Variants in SASH1 observed in about 807,000 individuals in gnomAD.
The protein encoded by SASH1 is SAM and SH3 domain containing 1.
A neutral mutation model predicts 125.2 loss-of-function variants in SASH1; 44 were observed. That is an observed-to-expected ratio of 0.35 (90% confidence interval 0.28 to 0.45). The LOEUF is 0.45. Ranked by LOEUF, SASH1 falls within the 20% of genes least tolerant of loss-of-function variation. The probability of loss-of-function intolerance (pLI) is 1.00; values close to 1 mark genes in which losing one functional copy is unlikely to be tolerated. For missense variants in SASH1, 1,426 were observed against 1,614.5 expected (o/e 0.88, Z 2.00); for synonymous variants, 639 against 649.1 (o/e 0.98, Z 0.24).
chr6:148,328,553 A>C (rs955609786), intron 1 of SASH1, among the ~76,000 whole-genome samples: 26 of 151,806 alleles, frequency 1.7e-4, no homozygotes, highest in African/African-American at 6.1e-4. Context: ...AGATCTTGCC[A>C]CTGCACTCCA....
At chr6:148,194,321 C>T in the SASH1 span, among the ~76,000 whole-genome samples, 2 of 152,322 alleles carry the variant, frequency 1.3e-5, no homozygotes, top group East Asian at 3.9e-4. Flanking sequence ...CCCCACCCCC[C>T]ATTCCAGTGG....
intron 1 of SASH1, among the ~76,000 whole-genome samples, chr6:148,364,332 G>A (rs1046547021): frequency 2.6e-5 from 4 of 152,188 alleles, no homozygotes; most frequent in African/African-American, 9.7e-5. Flanking sequence ...AGTCTTGAGA[G>A]ATGGCTCACC....
chr6:148,243,450 A>AAATAAT, the SASH1 span, among the ~76,000 whole-genome samples: 2,068 of 138,514 alleles, frequency 0.015, 25 homozygotes, highest in African/African-American at 0.026. Context: ...AATTCCATCT[A>AAATAAT]AATAATAATA....
chr6:148,336,518 G>A (rs11155561), intron 1 of SASH1, among the ~76,000 whole-genome samples: 44,401 of 151,888 alleles, frequency 0.29, 6,591 homozygotes, highest in South Asian at 0.42. Flanking sequence ...GGTAAATGGG[G>A]GCACAATAAA....
At chr6:148,303,657 T>A (rs551298846) in intron 1 of SASH1, among the ~76,000 whole-genome samples, 1 of 151,648 alleles carries the variant, frequency 6.6e-6, no homozygotes, top group South Asian at 2.1e-4. Context: ...CTTAGCTGGG[T>A]GGTGGCGGGC....
the SASH1 span, among the ~76,000 whole-genome samples, chr6:148,236,218 A>T: frequency 1.4e-4 from 21 of 145,734 alleles, no homozygotes; most frequent in South Asian, 6.6e-4. Context: ...ATTAAATTAA[A>T]TTTTTTTTTT....
chr6:148,493,114 A>C (rs1416894106), intron 8 of SASH1, among the ~76,000 whole-genome samples: 1 of 152,140 alleles, frequency 6.6e-6, no homozygotes, highest in Non-Finnish European at 1.5e-5. Context: ...TCAGCAATGC[A>C]GTTTTTTGAA....
intron 1 of SASH1, among the ~76,000 whole-genome samples, chr6:148,273,839 G>C (rs1416980508): frequency 6.6e-6 from 1 of 152,228 alleles, no homozygotes; most frequent in Non-Finnish European, 1.5e-5. Context: ...GCTGAGAACA[G>C]TGCCTGGTAC....
At chr6:148,255,835 T>A in the SASH1 span, among the ~76,000 whole-genome samples, 2 of 151,802 alleles carry the variant, frequency 1.3e-5, no homozygotes, top group East Asian at 3.9e-4. Flanking sequence ...AGAGAGGGGG[T>A]TTCACCATGC....
chr6:148,547,282 T>A (rs1005177921), intron 19 of SASH1, among the ~76,000 whole-genome samples: 10 of 152,188 alleles, frequency 6.6e-5, no homozygotes, highest in African/African-American at 2.4e-4. Context: ...TACGGGCTAC[T>A]AAGTGACTGC....
chr6:148,249,353 T>TGCG, the SASH1 span, among the ~76,000 whole-genome samples: 52,949 of 151,932 alleles, frequency 0.35, 9,424 homozygotes, highest in Admixed American at 0.41. Context: ...TGTGCATGCA[T>TGCG]CACACACACA....
At chr6:148,361,914 C>CTTT (rs745596285) in intron 1 of SASH1, among the ~76,000 whole-genome samples, 7 of 125,480 alleles carry the variant, frequency 5.6e-5, no homozygotes, top group South Asian at 2.7e-4. Flanking sequence ...TTTTCTTTTT[C>CTTT]TTTTTTTTTT....
the SASH1 span, among the ~76,000 whole-genome samples, chr6:148,258,691 C>G: frequency 2.6e-5 from 4 of 152,328 alleles, no homozygotes; most frequent in East Asian, 5.8e-4. Context: ...GTCATAGATT[C>G]AGTCTGTAAT....
chr6:148,468,667 C>T (rs1777961028), intron 5 of SASH1, 82 bp downstream of exon 5: 1 of 849,284 alleles, frequency 1.2e-6, no homozygotes, highest in South Asian at 1.6e-5. Context: ...ATACAAAACC[C>T]ACAAGAATCC....
chr6:148,306,465 G>A (rs1292583833), intron 1 of SASH1, among the ~76,000 whole-genome samples: 1 of 152,142 alleles, frequency 6.6e-6, no homozygotes, highest in African/African-American at 2.4e-5. Context: ...TTCACCCACT[G>A]CCACTTCCTC....
the SASH1 span, among the ~76,000 whole-genome samples, chr6:148,221,914 C>T: frequency 1.3e-5 from 2 of 152,222 alleles, no homozygotes; most frequent in African/African-American, 2.4e-5. Context: ...CACTCTTCCT[C>T]GTAGTAGCCT....
chr6:148,374,751 G>A (rs910651645), intron 1 of SASH1, among the ~76,000 whole-genome samples: 6 of 151,998 alleles, frequency 3.9e-5, no homozygotes, highest in Non-Finnish European at 7.4e-5. Flanking sequence ...AGGCTGGAGT[G>A]CAGTGGTGCG....
At chr6:148,206,576 A>G in the SASH1 span, among the ~76,000 whole-genome samples, 8,680 of 152,136 alleles carry the variant, frequency 0.057, 514 homozygotes, top group African/African-American at 0.15. Context: ...GACCACCCGA[A>G]GTCAGGAGTT....
At chr6:148,280,424 G>T (rs1016418730) in intron 1 of SASH1, 2 of 151,966 alleles carry the variant, frequency 1.3e-5, no homozygotes. Flanking sequence ...CACCTTGCAG[G>T]GATTCTGTGA....
Sources: gnomAD v4.1 joint callset for allele counts (sites outside exome capture counted in the v4.1 genomes callset) on GRCh38, gnomAD v4.1.1 for gene constraint, MANE v1.5 for transcripts, NCBI Gene and HGNC (gene_info 2026-07-23, HGNC 2026-07-21) for gene names.